Variants in FUBP3 observed in about 807,000 individuals in gnomAD.
FUBP3 encodes far upstream element binding protein 3, also known as far upstream element-binding protein 3.
In FUBP3, 28 loss-of-function variants were observed where a neutral mutation model predicts 85.6. The observed-to-expected ratio is 0.33, with a 90% CI of 0.24 to 0.45. The LOEUF (loss-of-function observed/expected upper bound fraction) is 0.45, where lower values mean the gene tolerates loss of function less well. Ranked by LOEUF, FUBP3 falls within the 20% of genes least tolerant of loss-of-function variation. The probability of loss-of-function intolerance (pLI) is 1.00; values close to 1 mark genes in which losing one functional copy is unlikely to be tolerated. For missense variants in FUBP3, 583 were observed against 755.1 expected (o/e 0.77, Z 2.67); for synonymous variants, 271 against 271.4 (o/e 1.00, Z 0.01).
chr9:130,581,839 T>C (rs1830143122), intron 1 of FUBP3: 2 of 152,180 alleles, frequency 1.3e-5, no homozygotes, highest in South Asian at 4.1e-4. Flanking sequence ...CACGCTCAGT[T>C]TTTCTAGCAG....
chr9:130,634,642 G>C, intron 16 of FUBP3, 25 bp from the exon 17 acceptor site: 1 of 1,607,854 alleles, frequency 6.2e-7, no homozygotes, highest in Non-Finnish European at 8.5e-7. Context: ...CGTAAGGCCT[G>C]ACTGCTTTTG....
At chr9:130,596,232 A>G (rs1448878215) in intron 2 of FUBP3, among the ~76,000 whole-genome samples, 4 of 152,102 alleles carry the variant, frequency 2.6e-5, no homozygotes, top group Non-Finnish European at 5.9e-5. Context: ...TCTTTATCAT[A>G]TTTTGTCTCC....
intron 16 of FUBP3, 80 bp downstream of exon 16, chr9:130,632,358 T>A: frequency 1.8e-6 from 2 of 1,091,072 alleles, no homozygotes; most frequent in Non-Finnish European, 2.8e-6. Context: ...AACGCCCTCG[T>A]TCAACTCAGC....
chr9:130,631,310 A>G, intron 13 of FUBP3: 1 of 1,392,292 alleles, frequency 7.2e-7, no homozygotes. Context: ...CCCTACCCCC[A>G]GGGTGATGCC....
intron 12 of FUBP3, among the ~76,000 whole-genome samples, chr9:130,629,189 G>T (rs1451654395): frequency 1.3e-5 from 2 of 152,206 alleles, no homozygotes; most frequent in African/African-American, 2.4e-5. Flanking sequence ...CCCTAGGAGG[G>T]GCTTGTACCG....
chr9:130,589,705 A>ATATATTTTTTT (rs1414691549), intron 1 of FUBP3, among the ~76,000 whole-genome samples: 5 of 73,838 alleles, frequency 6.8e-5, no homozygotes, highest in African/African-American at 3.9e-4. Context: ...ATATATATAT[A>ATATATTTTTTT]TTTTTTTTTT....
intron 2 of FUBP3, among the ~76,000 whole-genome samples, chr9:130,606,616 T>C (rs1177476464): frequency 6.6e-6 from 1 of 151,678 alleles, no homozygotes; most frequent in Non-Finnish European, 1.5e-5. Context: ...AGGTCGGGAG[T>C]TCGAGACCAG....
intron 1 of FUBP3, among the ~76,000 whole-genome samples, chr9:130,589,694 TATATA>T (rs1269430450): frequency 3.1e-4 from 10 of 32,006 alleles, no homozygotes; most frequent in African/African-American, 1.2e-3. Flanking sequence ...TATATATATA[TATATA>T]TATATATTTT....
chr9:130,627,798 A>C (rs1830040212), intron 12 of FUBP3, among the ~76,000 whole-genome samples: 1 of 152,152 alleles, frequency 6.6e-6, no homozygotes, highest in South Asian at 2.1e-4. Context: ...GGCCTTTTGC[A>C]AACTATTTTG....
intron 2 of FUBP3, among the ~76,000 whole-genome samples, chr9:130,600,119 C>CCCTCCCTG (rs1831081177): frequency 6.9e-6 from 1 of 144,674 alleles, no homozygotes; most frequent in African/African-American, 2.6e-5. Context: ...CTCCCTCCCT[C>CCCTCCCTG]CCTCCCTCTT....
intron 2 of FUBP3, among the ~76,000 whole-genome samples, chr9:130,597,293 A>T (rs1161063238): frequency 6.6e-6 from 1 of 152,166 alleles, no homozygotes; most frequent in African/African-American, 2.4e-5. Flanking sequence ...ACCTCCAAAA[A>T]GTTCTAGAGG....
intron 9 of FUBP3, among the ~76,000 whole-genome samples, chr9:130,621,128 G>C (rs1327632160): frequency 6.6e-6 from 1 of 152,108 alleles, no homozygotes; most frequent in Non-Finnish European, 1.5e-5. Flanking sequence ...GTGGTTAAAT[G>C]ATAAATATTA....
intron 1 of FUBP3, among the ~76,000 whole-genome samples, chr9:130,587,058 T>G (rs1029299513): frequency 5.6e-5 from 7 of 125,600 alleles, no homozygotes; most frequent in Non-Finnish European, 9.4e-5. Flanking sequence ...GTTTTTTGTT[T>G]TTTTTTTTTG....
At chr9:130,595,356 G>C (rs999993217) in intron 1 of FUBP3, 127 bp from the exon 2 acceptor site, 6 of 645,688 alleles carry the variant, frequency 9.3e-6, no homozygotes, top group African/African-American at 5.4e-5. Flanking sequence ...CTCTTGCGGT[G>C]CTGCCTTCCA....
chr9:130,628,933 C>CTAATTT (rs901882023), intron 12 of FUBP3, among the ~76,000 whole-genome samples: 3 of 152,166 alleles, frequency 2.0e-5, no homozygotes, highest in African/African-American at 7.2e-5. Flanking sequence ...CCACACCTGG[C>CTAATTT]TAATTTTGTA....
At chr9:130,609,169 T>C (rs1831612767) in intron 2 of FUBP3, among the ~76,000 whole-genome samples, 1 of 152,238 alleles carries the variant, frequency 6.6e-6, no homozygotes, top group Admixed American at 6.5e-5. Flanking sequence ...TCATTTTTGC[T>C]GATGGCTGGT....
chr9:130,630,585 G>A (rs780924912), intron 12 of FUBP3, 43 bp from the exon 13 acceptor site: 10 of 1,491,862 alleles, frequency 6.7e-6, no homozygotes, highest in Middle Eastern at 1.9e-4. Flanking sequence ...AGGAGTTGCC[G>A]CAGTCTCTGC....
intron 2 of FUBP3, among the ~76,000 whole-genome samples, chr9:130,601,814 T>TTTTTTG (rs1831170489): frequency 6.8e-6 from 1 of 146,818 alleles, no homozygotes; most frequent in Admixed American, 6.8e-5. Context: ...TTTTTTTTTT[T>TTTTTTG]TTTTTGAGAT....
At chr9:130,605,710 A>G (rs1831389735) in intron 2 of FUBP3, among the ~76,000 whole-genome samples, 1 of 152,200 alleles carries the variant, frequency 6.6e-6, no homozygotes, top group Non-Finnish European at 1.5e-5. Flanking sequence ...TTGGCTGGGC[A>G]CGGTGGCTCA....
Sources: gnomAD v4.1 joint callset for allele counts (sites outside exome capture counted in the v4.1 genomes callset) on GRCh38, gnomAD v4.1.1 for gene constraint, MANE v1.5 for transcripts, NCBI Gene and HGNC (gene_info 2026-07-23, HGNC 2026-07-21) for gene names.